Variants in UNC93A observed in about 807,000 individuals in gnomAD.
The protein encoded by UNC93A is N-acetylglucosamine transporter UNC93A.
A neutral mutation model predicts 47.5 loss-of-function variants in UNC93A; 43 were observed. The observed-to-expected ratio is 0.91, with a 90% CI of 0.71 to 1.17. The LOEUF (loss-of-function observed/expected upper bound fraction) is 1.17, where lower values mean the gene tolerates loss of function less well. Among genes scored for constraint, UNC93A ranks in the 50% most tolerant of loss-of-function variants. The pLI, the probability that UNC93A is intolerant of heterozygous loss-of-function variation, is 0.00. For synonymous variants in UNC93A, 280 were observed against 258.0 expected (o/e 1.09, Z -0.82); for missense variants, 605 against 577.6 (o/e 1.05, Z -0.49).
chr6:167,272,950 C>T (rs1783473380), intron 1 of UNC93A, among the ~76,000 whole-genome samples: 1 of 152,108 alleles, frequency 6.6e-6, no homozygotes, highest in African/African-American at 2.4e-5. Context: ...CTGAACCAGA[C>T]TCTCAGGTTA....
rs150640304 is a variant in UNC93A, at chr6:167,303,532, TA to T, written c.626-377del. Among the ~76,000 whole-genome samples the T allele has an allele frequency of 5.0e-3, 750 of 149,690 alleles. 6 individuals carry two copies. Among genetic ancestry groups the T allele is most frequent in the African/African-American group, 0.017 (700 of 40,964 alleles). On this transcript the variant is annotated intron_variant, in intron 4 of 7. Transcript: ENST00000230256. ...TGGTACCTTGTGGGAATCATTATCC[TA>T]AAAAAAAAATCAATAAAAAGCTGTC...
At chr6:167,305,766 T>C (rs1778367967) in intron 5 of UNC93A, 149 bp from the exon 6 acceptor site, 1 of 1,104,572 alleles carries the variant, frequency 9.1e-7, no homozygotes, top group South Asian at 1.5e-5. Flanking sequence ...TTCTCCTGCA[T>C]GGGAGCCACA....
At chr6:167,273,174 GA>G (rs1211426859) in intron 1 of UNC93A, among the ~76,000 whole-genome samples, 1 of 152,174 alleles carries the variant, frequency 6.6e-6, no homozygotes, top group Non-Finnish European at 1.5e-5. Flanking sequence ...TGGTCCCAGG[GA>G]AGCAGGTCCT....
chr6:167,280,310 C>A (rs1273844814), intron 1 of UNC93A, among the ~76,000 whole-genome samples: 1 of 152,104 alleles, frequency 6.6e-6, no homozygotes, highest in Non-Finnish European at 1.5e-5. Flanking sequence ...GAAGGAGGAG[C>A]ACATTTGTTA....
At chr6:167,308,769 C>A (rs1397809750) in intron 7 of UNC93A, among the ~76,000 whole-genome samples, 1 of 152,036 alleles carries the variant, frequency 6.6e-6, no homozygotes, top group Non-Finnish European at 1.5e-5. Context: ...CCAGGAGTGA[C>A]TGGGAGCTAT....
intron 6 of UNC93A, 81 bp from the exon 7 acceptor site, chr6:167,307,698 C>A: frequency 6.8e-7 from 1 of 1,480,186 alleles, no homozygotes; most frequent in South Asian, 1.2e-5. Context: ...GATGGTTGCT[C>A]CAGCACTGAC....
chr6:167,282,851 C>T (rs1041660513), intron 1 of UNC93A, among the ~76,000 whole-genome samples: 2 of 152,134 alleles, frequency 1.3e-5, no homozygotes, highest in African/African-American at 2.4e-5. Flanking sequence ...AAAGGCGAGA[C>T]GACTTGAAGC....
At chr6:167,287,253 T>A (rs1367377951), upstream of UNC93A, among the ~76,000 whole-genome samples, 1 of 152,012 alleles carries the variant, frequency 6.6e-6, no homozygotes, top group Non-Finnish European at 1.5e-5. Flanking sequence ...GTTTGCAGGG[T>A]TCATAGAAAC....
intron 4 of UNC93A, among the ~76,000 whole-genome samples, chr6:167,301,621 G>A (rs914895737): frequency 5.9e-5 from 9 of 152,170 alleles, no homozygotes; most frequent in East Asian, 1.9e-4. Context: ...CATGACACCC[G>A]GACATACATA....
In UNC93A at chr6:167,309,456, G is replaced by A. The variant is rs946999968; in HGVS notation, c.1108+1546G>A. ...GTCAGAGGCCCAAAGAGGCAAGACT[G>A]CGTGTCTAAGAGATGCTGATGAGGT... is the stretch of plus-strand genomic sequence containing the variant. On this transcript the variant is annotated intron_variant, in intron 7 of 7. Transcript: ENST00000230256. Among the ~76,000 whole-genome samples the A allele has an allele frequency of 6.6e-5, 10 of 152,122 alleles. 1 individual carries two copies. The highest frequency in any genetic ancestry group is 1.2e-4 in the Non-Finnish European group (8 of 68,022).
In UNC93A at chr6:167,315,353, T is replaced by G; in HGVS notation, c.1275T>G (p.Tyr425Ter). ...TCCTGAGCCTGACCATGGTGGCGTA[T>G]GGGCTTGTGGAGTGCGTGGAGTCCA... is the stretch of plus-strand genomic sequence containing the variant. ...LGVLSLTMVA[Y>*]GLVECVESKN... Residue 425 changes from tyrosine to a stop codon, truncating the protein, a stop_gained, in exon 8 of 8, where the codon TAT (tyrosine) becomes TAG (stop). Transcript: ENST00000230256. LOFTEE classifies it high-confidence loss of function. 6.2e-6 allele frequency: 10 copies of G among 1,613,874 alleles called. No individual in the cohort carries two copies. The highest frequency in any genetic ancestry group is 8.5e-6 in the Non-Finnish European group (10 of 1,179,862).
chr6:167,311,083 T>A (rs1292598437), intron 7 of UNC93A, among the ~76,000 whole-genome samples: 1 of 152,216 alleles, frequency 6.6e-6, no homozygotes, highest in African/African-American at 2.4e-5. Flanking sequence ...TAGCTTTGGC[T>A]ACATCTCAAG....
rs529956584 is a variant in UNC93A, at chr6:167,298,320, G to A, written c.625+250G>A. The A allele has an allele frequency of 1.5e-4, 61 of 398,898 alleles. No homozygotes were observed. In the South Asian group the frequency reaches 2.4e-3, roughly 16 times the overall value. The allele number at this position is 398,898 out of a possible 1,614,324, so 24.7% of individuals were successfully genotyped here. On this transcript the variant is annotated intron_variant, in intron 4 of 7. Transcript: ENST00000230256. ...TACATCTCCAGAGCCCAACACAGCA[G>A]CCATTAAGCACTGTGGTTGTTTACA... is the stretch of plus-strand genomic sequence containing the variant.
Position 167,315,507 on chromosome 6 carries a change from T to G in UNC93A, c.*55T>G. The G allele has an allele frequency of 6.2e-7, 1 of 1,613,280 alleles. No homozygotes were observed. The highest frequency in any genetic ancestry group is 8.5e-7 in the Non-Finnish European group (1 of 1,179,810). The stretch of plus-strand genomic sequence containing the variant: ...AGAAAGCACCAGCCAGAGAATTTTC[T>G]TAGAAGATGCCTCAGGACATAGAGC... On this transcript the variant is annotated 3_prime_UTR_variant, in exon 8 of 8. Coordinates refer to ENST00000230256, the MANE Select transcript of UNC93A (RefSeq NM_018974.4).
intron 1 of UNC93A, among the ~76,000 whole-genome samples, chr6:167,284,143 C>G (rs975082999): frequency 4.6e-5 from 7 of 152,060 alleles, no homozygotes; most frequent in African/African-American, 1.5e-4. Flanking sequence ...CCCCACAGAA[C>G]AAGCCTTGTT....
At chr6:167,307,741 G>A in intron 6 of UNC93A, 38 bp from the exon 7 acceptor site, 1 of 1,609,762 alleles carries the variant, frequency 6.2e-7, no homozygotes, top group Non-Finnish European at 8.5e-7. Context: ...CATGATGATG[G>A]CCCTCATCGC....
intron 1 of UNC93A, among the ~76,000 whole-genome samples, chr6:167,277,162 G>T (rs1783557641): frequency 6.6e-6 from 1 of 152,242 alleles, no homozygotes. Flanking sequence ...CTTGCACCTT[G>T]TTGACTGGTC....
chr6:167,296,428 C>G (rs905860301), intron 3 of UNC93A, among the ~76,000 whole-genome samples, 167 bp downstream of exon 3: 11 of 152,204 alleles, frequency 7.2e-5, no homozygotes, highest in African/African-American at 2.7e-4. Context: ...TCAGAGTTGC[C>G]TGTTACCTGC....
chr6:167,308,224 A>G (rs1778457422), intron 7 of UNC93A, among the ~76,000 whole-genome samples: 2 of 152,192 alleles, frequency 1.3e-5, no homozygotes, highest in Admixed American at 6.5e-5. Flanking sequence ...CCCCTAGGAC[A>G]GCAGTCTCTT....
Sources: gnomAD v4.1 joint callset for allele counts (sites outside exome capture counted in the v4.1 genomes callset) on GRCh38, gnomAD v4.1.1 for gene constraint, MANE v1.5 for transcripts, NCBI Gene and HGNC (gene_info 2026-07-23, HGNC 2026-07-21) for gene names.